FAM171B: variants seen among roughly 807,000 people sequenced by gnomAD.
FAM171B encodes family with sequence similarity 171 member B.
A neutral mutation model predicts 75.6 loss-of-function variants in FAM171B; 19 were observed. The ratio of observed to expected loss-of-function variants is 0.25; its 90% CI spans 0.18 to 0.37. The LOEUF is 0.37. FAM171B is among the 10% of genes least tolerant of loss of function. The pLI is 1.00. For missense variants in FAM171B, 848 were observed against 982.4 expected (o/e 0.86, Z 1.83); for synonymous variants, 367 against 361.7 (o/e 1.01, Z -0.17).
chr2:186,747,824 TA>T (rs1210377184), intron 4 of FAM171B, among the ~76,000 whole-genome samples: 1 of 152,198 alleles, frequency 6.6e-6, no homozygotes, highest in African/African-American at 2.4e-5. Flanking sequence ...TGTCATAATA[TA>T]AAAGTTAGTG....
chr2:186,736,567 G>GTGTGTGGGGGA lies in FAM171B; in HGVS notation c.239-3661_239-3660insTGTGTGGGGGA, dbSNP rs55683607. The stretch of plus-strand genomic sequence containing the variant: ...GTGTGTGTGTGTGTGTGTGTGTGTG[G>GTGTGTGGGGGA]GAGAGAGAGAGAGAGAGAGAGAATG... On this transcript the variant is annotated intron_variant, in intron 1 of 7. Transcript: ENST00000304698. 2.8e-4 allele frequency among the ~76,000 whole-genome samples: 29 copies of GTGTGTGGGGGA among 104,626 alleles called. No individual in the cohort carries two copies. The East Asian group carries it at 7.5e-3, about 27-fold the overall frequency. The allele number at this position is 104,626 out of a possible 152,430, so 68.6% of individuals were successfully genotyped here. A position where few individuals can be genotyped will look rare whatever the true frequency, so the allele number is the denominator to read the frequency against.
rs190051969 is a variant in FAM171B, at chr2:186,718,539, A to G, written c.239-21689A>G. ...TAGAATTCATATTTCCCTCTTCTCT[A>G]TCCCTGTAATACTTTGTTTGTATAA... On this transcript the variant is annotated intron_variant, in intron 1 of 7. Transcript: ENST00000304698. Among the ~76,000 whole-genome samples, 191 of 152,228 alleles carry G rather than the reference A, an allele frequency of 1.3e-3. 2 individuals carry two copies. Among genetic ancestry groups the G allele is most frequent in the Non-Finnish European group, 1.8e-4 (12 of 68,006 alleles).
Position 186,763,053 on chromosome 2 carries a change from A to G in FAM171B, c.*230A>G. The G allele has an allele frequency of 2.1e-6, 1 of 470,588 alleles. No homozygotes were observed. Among genetic ancestry groups the G allele is most frequent in the Non-Finnish European group, 3.7e-6 (1 of 272,196 alleles). 29.2% of individuals were successfully genotyped at this position (470,588 alleles called of 1,614,324 possible). ...GAATTTACAGTATCTAAGTTTTCAA[A>G]ATGTAAAATAGCTTCAAGATGTTAG... On this transcript the variant is annotated 3_prime_UTR_variant, in exon 8 of 8. Transcript: ENST00000304698.
chr2:186,747,454 A>G (rs1170330335), intron 4 of FAM171B, among the ~76,000 whole-genome samples: 1 of 152,152 alleles, frequency 6.6e-6, no homozygotes, highest in Non-Finnish European at 1.5e-5. Flanking sequence ...AGAAAAATTC[A>G]GCATACATTA....
intron 1 of FAM171B, among the ~76,000 whole-genome samples, chr2:186,713,991 A>T (rs948759338): frequency 2.0e-5 from 3 of 152,238 alleles, no homozygotes; most frequent in Non-Finnish European, 4.4e-5. Flanking sequence ...TTTATTGAAA[A>T]GATAATGTTC....
chr2:186,702,397 A>T (rs1034125684), intron 1 of FAM171B, among the ~76,000 whole-genome samples: 8 of 152,228 alleles, frequency 5.3e-5, no homozygotes, highest in Non-Finnish European at 1.0e-4. Context: ...TGACCAAAAC[A>T]TTAATTGCTA....
At position 186,699,545 on chromosome 2, in the gene FAM171B, T is replaced by G. The variant is rs143977573; in HGVS notation, c.238+5134T>G. ...GGTTATTAATCCCTTGTCAGATGGA[T>G]AGTTGGCAGATACTTTCTCCCATTC... On this transcript the variant is annotated intron_variant, in intron 1 of 7. Coordinates refer to ENST00000304698, the MANE Select transcript of FAM171B (RefSeq NM_177454.4). Among the ~76,000 whole-genome samples the G allele has an allele frequency of 6.6e-5, 10 of 152,308 alleles. No homozygotes were observed. The East Asian group carries it at 1.5e-3, about 23-fold the overall frequency.
chr2:186,727,799 C>A (rs1394580220), intron 1 of FAM171B, among the ~76,000 whole-genome samples: 2 of 152,088 alleles, frequency 1.3e-5, no homozygotes, highest in Non-Finnish European at 2.9e-5. Flanking sequence ...GGTTTAAATA[C>A]ATGGACATTT....
At chr2:186,720,139 G>A (rs769364174) in intron 1 of FAM171B, among the ~76,000 whole-genome samples, 2 of 152,214 alleles carry the variant, frequency 1.3e-5, no homozygotes, top group Non-Finnish European at 2.9e-5. Flanking sequence ...CTGGGTTCGA[G>A]TGATTCTCCT....
At chr2:186,696,284 A>G (rs1165817880) in intron 1 of FAM171B, among the ~76,000 whole-genome samples, 1 of 151,934 alleles carries the variant, frequency 6.6e-6, no homozygotes, top group Non-Finnish European at 1.5e-5. Flanking sequence ...GAGTAATTCA[A>G]TTGATTGCTG....
chr2:186,716,067 T>C (rs775835182), intron 1 of FAM171B, among the ~76,000 whole-genome samples: 5 of 152,292 alleles, frequency 3.3e-5, no homozygotes, highest in Non-Finnish European at 4.4e-5. Context: ...TCTCGATCTG[T>C]CTCTCAGGTT....
intron 1 of FAM171B, among the ~76,000 whole-genome samples, chr2:186,726,224 T>G (rs1282799716): frequency 6.6e-6 from 1 of 152,230 alleles, no homozygotes; most frequent in Non-Finnish European, 1.5e-5. Flanking sequence ...TTCTCTGTAA[T>G]AAATATTAGT....
intron 6 of FAM171B, among the ~76,000 whole-genome samples, chr2:186,757,751 C>T (rs1392771701): frequency 1.3e-5 from 2 of 152,204 alleles, no homozygotes; most frequent in Middle Eastern, 3.4e-3. Context: ...CACATGCACA[C>T]GGATACAGAT....
chr2:186,697,885 T>C (rs1689604946), intron 1 of FAM171B, among the ~76,000 whole-genome samples: 1 of 152,156 alleles, frequency 6.6e-6, no homozygotes, highest in Admixed American at 6.5e-5. Context: ...AAAACTTGAA[T>C]GTGAACATTT....
chr2:186,752,911 T>A (rs1690477308), intron 5 of FAM171B, among the ~76,000 whole-genome samples: 2 of 152,332 alleles, frequency 1.3e-5, no homozygotes, highest in South Asian at 4.1e-4. Flanking sequence ...CTGAATTCTT[T>A]TTTCTTTTGA....
chr2:186,761,334 T>C, intron 7 of FAM171B, 98 bp downstream of exon 7: 2 of 1,458,326 alleles, frequency 1.4e-6, no homozygotes, highest in Non-Finnish European at 1.8e-6. Flanking sequence ...ATAAATTTAA[T>C]CTTATAATAT....
At chr2:186,702,096 T>C (rs1689670307) in intron 1 of FAM171B, among the ~76,000 whole-genome samples, 1 of 152,200 alleles carries the variant, frequency 6.6e-6, no homozygotes. Context: ...TCCTGCATTA[T>C]TGAACAACAA....
intron 1 of FAM171B, among the ~76,000 whole-genome samples, chr2:186,711,871 G>A (rs879477930): frequency 2.6e-5 from 4 of 152,060 alleles, no homozygotes; most frequent in African/African-American, 7.2e-5. Context: ...TTTTTGGTCC[G>A]TGATTATCTT....
At chr2:186,712,450 A>G (rs1290330932) in intron 1 of FAM171B, among the ~76,000 whole-genome samples, 4 of 152,218 alleles carry the variant, frequency 2.6e-5, no homozygotes, top group African/African-American at 9.6e-5. Context: ...CTAGACACAT[A>G]ATAGGTATTC....
Sources: allele counts gnomAD v4.1 joint callset (sites outside exome capture counted in the v4.1 genomes callset), GRCh38; gene constraint gnomAD v4.1.1; transcripts MANE v1.5; gene names NCBI Gene and HGNC (gene_info 2026-07-23, HGNC 2026-07-21).